The following SPAG9 variants were observed in gnomAD, a reference collection of about 807,000 sequenced individuals.
SPAG9 encodes the protein C-Jun-amino-terminal kinase-interacting protein 4.
SPAG9 carries 35 observed loss-of-function variants against 166.5 expected under a neutral mutation model. That is an observed-to-expected ratio of 0.21 (90% CI 0.16 to 0.28). The LOEUF is 0.28. SPAG9 is among the 10% of genes least tolerant of loss of function. The pLI is 1.00. For missense variants in SPAG9, 1,235 were observed against 1,603.3 expected, an observed-to-expected ratio of 0.77 and a Z score of 3.92; for synonymous variants, 534 against 565.5, an observed-to-expected ratio of 0.94 and a Z score of 0.79.
intron 4 of SPAG9, among the ~76,000 whole-genome samples, chr17:51,045,691 A>G (rs2046994288): frequency 1.3e-5 from 2 of 152,208 alleles, no homozygotes; most frequent in South Asian, 4.1e-4. Context: ...AGAGACTGCT[A>G]GTCTGACGGT....
intron 2 of SPAG9, among the ~76,000 whole-genome samples, chr17:51,068,296 C>T (rs1415657296): frequency 1.3e-5 from 2 of 152,136 alleles, no homozygotes; most frequent in African/African-American, 2.4e-5. Context: ...AAGTCCTTTA[C>T]CATGTCTCTC....
In SPAG9 at chr17:51,021,341, C is replaced by CTTGGGG. The variant is rs772710260; in HGVS notation, c.807_808insCCCCAA (p.Gln269_Gly270insProGln). 1 of 1,612,790 alleles carries CTTGGGG rather than the reference C, an allele frequency of 6.2e-7. No individual in the cohort carries two copies. Among genetic ancestry groups the CTTGGGG allele is most frequent in the Non-Finnish European group, 8.5e-7 (1 of 1,179,316 alleles). On this transcript the variant is annotated inframe_insertion, in exon 7 of 30. Coordinates refer to ENST00000262013, the MANE Select transcript of SPAG9 (RefSeq NM_001130528.3). Reference sequence around the variant, plus strand: ...GCTGGAGTGGTAGCTTTAGATCCGCCTTGGCTAACATCAGAAAGCTCATCC... The same window carrying CTTGGGG: ...GCTGGAGTGGTAGCTTTAGATCCGCCTTGGGGTTGGCTAACATCAGAAAGCTCATCC...
chr17:50,990,947 G>T (rs1429878106), intron 19 of SPAG9, among the ~76,000 whole-genome samples: 4 of 142,252 alleles, frequency 2.8e-5, no homozygotes, highest in Non-Finnish European at 6.0e-5. Flanking sequence ...TTACTCTGTC[G>T]CCCAGGCTGG....
At chr17:51,048,141 A>G (rs924748139) in intron 3 of SPAG9, among the ~76,000 whole-genome samples, 7 of 152,122 alleles carry the variant, frequency 4.6e-5, no homozygotes, top group African/African-American at 1.7e-4. Context: ...TGAGTCTTAG[A>G]TAAGGAATCA....
intron 2 of SPAG9, among the ~76,000 whole-genome samples, chr17:51,077,073 T>TCTAGCTATCTAGCTAGCTATCTATCTAG (rs1187721637): frequency 9.5e-5 from 11 of 115,976 alleles, no homozygotes; most frequent in Admixed American, 3.3e-4. Context: ...TAGCTAGCTA[T>TCTAGCTATCTAGCTAGCTATCTATCTAG]CTAGCTATCT....
At chr17:51,066,567 G>GAAAAAAAAAAAAA (rs71149340) in intron 2 of SPAG9, among the ~76,000 whole-genome samples, 19 of 110,832 alleles carry the variant, frequency 1.7e-4, no homozygotes, top group Non-Finnish European at 2.5e-4. Context: ...AAAAAAAAAA[G>GAAAAAAAAAAAAA]AAAAAAAAAA....
Position 51,120,743 on chromosome 17 carries a change from G to A in SPAG9, c.-87C>T. The A allele has an allele frequency of 1.6e-6, 2 of 1,240,456 alleles. No individual in the cohort carries two copies. The highest frequency in any genetic ancestry group is 2.2e-6 in the Non-Finnish European group (2 of 908,916). The allele number at this position is 1,240,456 out of a possible 1,614,324, so 76.8% of individuals were successfully genotyped here. On this transcript the variant is annotated 5_prime_UTR_variant, in exon 1 of 30. Coordinates refer to ENST00000262013, the MANE Select transcript of SPAG9 (RefSeq NM_001130528.3). This position sits in a 1 kb window ranked among gnomAD's most constrained non-coding sequence, Gnocchi z 4.7. ...CACGGGACGGACCCGACTCGGGCTG[G>A]GACGGGTACTAGGGCTGGAGCCCGG... is the stretch of plus-strand genomic sequence containing the variant.
intron 4 of SPAG9, 82 bp downstream of exon 4, chr17:51,047,293 G>C (rs2047052358): frequency 1.2e-6 from 1 of 806,128 alleles, no homozygotes; most frequent in Admixed American, 2.5e-5. Flanking sequence ...TATTGTTCCA[G>C]GATTAAAGAA....
chr17:51,075,089 G>A (rs920461556), intron 2 of SPAG9, among the ~76,000 whole-genome samples: 5 of 151,192 alleles, frequency 3.3e-5, no homozygotes, highest in East Asian at 1.9e-4. Flanking sequence ...CCAGCTACTC[G>A]GGAGGCTGAG....
intron 9 of SPAG9, 53 bp downstream of exon 9, chr17:51,014,179 T>A (rs1045296739): frequency 2.6e-6 from 4 of 1,522,046 alleles, no homozygotes; most frequent in Non-Finnish European, 2.7e-6. Context: ...TTAAATCATT[T>A]AAAAAATCAA....
intron 1 of SPAG9, among the ~76,000 whole-genome samples, chr17:51,105,592 C>A (rs1052650590): frequency 6.6e-6 from 1 of 152,104 alleles, no homozygotes; most frequent in African/African-American, 2.4e-5. Flanking sequence ...AAAGCTTGGC[C>A]GGGCGCAGTG....
chr17:51,010,632 GGA>G (rs2045442202), intron 9 of SPAG9, among the ~76,000 whole-genome samples: 1 of 149,874 alleles, frequency 6.7e-6, no homozygotes, highest in Non-Finnish European at 1.5e-5. Context: ...CACACATTTA[GGA>G]GAGGGAACAA....
At chr17:51,042,795 G>A (rs1252611395) in intron 4 of SPAG9, among the ~76,000 whole-genome samples, 1 of 152,150 alleles carries the variant, frequency 6.6e-6, no homozygotes, top group Non-Finnish European at 1.5e-5. Flanking sequence ...GGGGTTGAGA[G>A]ACTACATTTA....
intron 6 of SPAG9, among the ~76,000 whole-genome samples, chr17:51,025,144 C>T (rs1035161335): frequency 6.6e-6 from 1 of 151,328 alleles, no homozygotes; most frequent in African/African-American, 2.4e-5. Context: ...CATGGGGAAA[C>T]CCCGTCTCTA....
At chr17:51,040,156 C>T (rs2144383647) in intron 5 of SPAG9, among the ~76,000 whole-genome samples, 1 of 151,712 alleles carries the variant, frequency 6.6e-6, no homozygotes, top group Middle Eastern at 3.4e-3. Context: ...ATTGCTTGAA[C>T]CCAGGAGGAG....
intron 1 of SPAG9, among the ~76,000 whole-genome samples, chr17:51,102,605 C>T (rs1185095469): frequency 6.6e-6 from 1 of 151,578 alleles, no homozygotes; most frequent in Non-Finnish European, 1.5e-5. Context: ...TGGGTTCAAG[C>T]GATTCTCCTG....
chr17:51,020,054 T>A (rs2045879236), intron 8 of SPAG9, 105 bp downstream of exon 8: 1 of 670,738 alleles, frequency 1.5e-6, no homozygotes, highest in Admixed American at 2.7e-5. Flanking sequence ...TAACATTTCT[T>A]CAACAAAACA....
At chr17:51,071,710 CT>C (rs962884766) in intron 2 of SPAG9, among the ~76,000 whole-genome samples, 1 of 152,134 alleles carries the variant, frequency 6.6e-6, no homozygotes, top group African/African-American at 2.4e-5. Context: ...TATTTCTTTA[CT>C]TTTTCTTGCT....
intron 1 of SPAG9, among the ~76,000 whole-genome samples, chr17:51,099,118 A>G (rs1469213973): frequency 6.7e-6 from 1 of 150,016 alleles, no homozygotes; most frequent in Non-Finnish European, 1.5e-5. Flanking sequence ...AAAAAAAAAA[A>G]AGAATATGAT....
Sources: allele counts gnomAD v4.1 joint callset (sites outside exome capture counted in the v4.1 genomes callset), GRCh38; gene constraint gnomAD v4.1.1; non-coding constraint Gnocchi (gnomAD v3.1); transcripts MANE v1.5; gene names NCBI Gene and HGNC (gene_info 2026-07-23, HGNC 2026-07-21).